The following ADGRL3 variants were observed in gnomAD, a reference collection of about 807,000 sequenced individuals.
The protein encoded by ADGRL3 is calcium-independent alpha-latrotoxin receptor 3.
ADGRL3 carries 62 observed loss-of-function variants against 153.5 expected under a neutral mutation model. The ratio of observed to expected loss-of-function variants is 0.40; its 90% CI spans 0.33 to 0.50. The LOEUF (loss-of-function observed/expected upper bound fraction) is 0.50, where lower values mean the gene tolerates loss of function less well. Among genes scored for constraint, ADGRL3 ranks in the 20% least tolerant of loss-of-function variants. The pLI is 0.47. For synonymous variants in ADGRL3, 710 were observed against 672.5 expected, an observed-to-expected ratio of 1.06 and a Z score of -0.86; for missense variants, 1,641 against 1,859.4, an observed-to-expected ratio of 0.88 and a Z score of 2.16.
At chr4:61,591,677 T>A (rs1289867392) in intron 5 of ADGRL3, among the ~76,000 whole-genome samples, 1 of 152,112 alleles carries the variant, frequency 6.6e-6, no homozygotes, top group African/African-American at 2.4e-5. Context: ...GTGTTAAATG[T>A]ACAAAGTAGG....
intron 1 of ADGRL3, among the ~76,000 whole-genome samples, chr4:61,299,156 T>A (rs865885865): frequency 1.3e-5 from 2 of 152,078 alleles, no homozygotes; most frequent in Admixed American, 6.6e-5. Flanking sequence ...CGTCCCCATC[T>A]TCCCCCCCTT....
chr4:61,444,530 T>G (rs2097560485), intron 2 of ADGRL3, among the ~76,000 whole-genome samples: 1 of 152,110 alleles, frequency 6.6e-6, no homozygotes, highest in African/African-American at 2.4e-5. Flanking sequence ...CAAAACCACT[T>G]TGTGGTCAAG....
chr4:62,064,126 A>G (rs1560572458), intron 25 of ADGRL3, among the ~76,000 whole-genome samples: 2 of 152,102 alleles, frequency 1.3e-5, no homozygotes, highest in African/African-American at 4.8e-5. Context: ...GGAGAATTAC[A>G]TTGAACTAAG....
intron 2 of ADGRL3, among the ~76,000 whole-genome samples, chr4:61,469,526 C>G (rs556753223): frequency 6.6e-6 from 1 of 151,994 alleles, no homozygotes; most frequent in Admixed American, 6.6e-5. Context: ...GTGTATGATT[C>G]AAGTCTGTGT....
At chr4:61,308,669 A>G (rs2094890914) in intron 1 of ADGRL3, among the ~76,000 whole-genome samples, 1 of 152,234 alleles carries the variant, frequency 6.6e-6, no homozygotes. Context: ...TTAATTAAAA[A>G]TGGAGGCTGT....
At chr4:61,449,002 A>G (rs1292025660) in intron 2 of ADGRL3, among the ~76,000 whole-genome samples, 2 of 152,144 alleles carry the variant, frequency 1.3e-5, no homozygotes, top group African/African-American at 2.4e-5. Flanking sequence ...CCTTTTAAAT[A>G]CACTGAAGAA....
At chr4:61,227,152 T>C (rs780545898) in intron 1 of ADGRL3, among the ~76,000 whole-genome samples, 2 of 152,190 alleles carry the variant, frequency 1.3e-5, no homozygotes, top group Non-Finnish European at 2.9e-5. Flanking sequence ...TTTGTCTTCA[T>C]AAAAATGTCT....
chr4:61,977,796 T>G (rs541536035), intron 17 of ADGRL3, among the ~76,000 whole-genome samples: 1 of 152,294 alleles, frequency 6.6e-6, no homozygotes, highest in Admixed American at 6.5e-5. Context: ...TCAATTTTTT[T>G]TCAATATTTA....
rs183224613 is a variant in ADGRL3, at chr4:61,764,765, T to C, written c.1399+31211T>C. ...TGAAGTGTTGGGGCGGTGAAAATTTTTTGGGGGTGGTATGGAGAGAGAATG... is the reference window on the plus strand; with the variant it reads ...TGAAGTGTTGGGGCGGTGAAAATTTCTTGGGGGTGGTATGGAGAGAGAATG... On this transcript the variant is annotated intron_variant, in intron 8 of 26. Transcript: ENST00000683033. 3.4e-4 allele frequency among the ~76,000 whole-genome samples: 52 copies of C among 151,986 alleles called. No individual in the cohort carries two copies. The East Asian group carries it at 9.8e-3, about 29-fold the overall frequency.
At chr4:61,339,202 G>T (rs1181555362) in intron 1 of ADGRL3, among the ~76,000 whole-genome samples, 4 of 151,994 alleles carry the variant, frequency 2.6e-5, no homozygotes, top group Non-Finnish European at 5.9e-5. Flanking sequence ...GTCCTATTAG[G>T]TTTATTTTGA....
intron 1 of ADGRL3, among the ~76,000 whole-genome samples, chr4:61,348,587 T>C (rs2095974240): frequency 6.6e-6 from 1 of 152,018 alleles, no homozygotes; most frequent in African/African-American, 2.4e-5. Flanking sequence ...CAAATTAAAT[T>C]TTTACAAGAC....
rs1288858441 is a variant in ADGRL3 at position 61,929,570 on chromosome 4, A to G, written c.2113-5270A>G. Among the ~76,000 whole-genome samples, 5 of 152,196 alleles carry G rather than the reference A, an allele frequency of 3.3e-5. No individual in the cohort carries two copies. The East Asian group carries it at 7.7e-4, about 23-fold the overall frequency. ...GAAAATGGAGAAAACTGACTTACATATGAGTTATCCTGCATGGCAAATCCC... is the reference window on the plus strand; with the variant it reads ...GAAAATGGAGAAAACTGACTTACATGTGAGTTATCCTGCATGGCAAATCCC... On this transcript the variant is annotated intron_variant, in intron 13 of 26. Transcript: ENST00000683033.
chr4:61,518,576 T>C (rs1179625302), intron 4 of ADGRL3, among the ~76,000 whole-genome samples: 3 of 152,220 alleles, frequency 2.0e-5, no homozygotes, highest in Non-Finnish European at 4.4e-5. Context: ...GAGTTAAATG[T>C]AATTCTTCAA....
At chr4:61,818,847 T>C (rs147492615) in intron 9 of ADGRL3, among the ~76,000 whole-genome samples, 2 of 152,196 alleles carry the variant, frequency 1.3e-5, no homozygotes, top group Admixed American at 1.3e-4. Flanking sequence ...TTATAATCAC[T>C]AGCTCATGTG....
intron 4 of ADGRL3, among the ~76,000 whole-genome samples, chr4:61,553,969 AG>A (rs1450870140): frequency 3.3e-5 from 5 of 152,266 alleles, no homozygotes; most frequent in African/African-American, 1.2e-4. Flanking sequence ...AAATTAGTGT[AG>A]GGCAATGCTC....
intron 1 of ADGRL3, among the ~76,000 whole-genome samples, chr4:61,293,766 A>G (rs577867593): frequency 6.6e-6 from 1 of 152,312 alleles, no homozygotes. Flanking sequence ...TGATATAGCA[A>G]GCAGTGAGCT....
intron 1 of ADGRL3, among the ~76,000 whole-genome samples, chr4:61,298,518 T>C (rs976008809): frequency 6.6e-6 from 1 of 152,200 alleles, no homozygotes; most frequent in Non-Finnish European, 1.5e-5. Flanking sequence ...ACTTTTGTTA[T>C]TCACAAATTC....
At chr4:61,393,023 A>G (rs1217597795) in intron 2 of ADGRL3, among the ~76,000 whole-genome samples, 1 of 152,146 alleles carries the variant, frequency 6.6e-6, no homozygotes, top group African/African-American at 2.4e-5. Flanking sequence ...TATTAGGAAG[A>G]ACCCTGGATA....
At chr4:61,582,350 G>A (rs1037343207) in intron 4 of ADGRL3, among the ~76,000 whole-genome samples, 3 of 151,746 alleles carry the variant, frequency 2.0e-5, no homozygotes, top group African/African-American at 7.3e-5. Context: ...CCCCGCTCCT[G>A]CCTCCAGGCC....
Sources: gnomAD v4.1 joint callset for allele counts (sites outside exome capture counted in the v4.1 genomes callset) on GRCh38, gnomAD v4.1.1 for gene constraint, MANE v1.5 for transcripts, NCBI Gene and HGNC (gene_info 2026-07-23, HGNC 2026-07-21) for gene names.